MYH16: variants seen among roughly 807,000 people sequenced by gnomAD.
The protein encoded by MYH16 is putative uncharacterized protein MYH16.
At chr7:99,302,317 TACACAC>T (rs201230482) in intron 38 of MYH16, among the ~76,000 whole-genome samples, 1,344 of 95,536 alleles carry the variant, frequency 0.014, 59 homozygotes, top group African/African-American at 0.043. Flanking sequence ...AAAAAATATA[TACACAC>T]ACACACACAC....
chr7:99,283,857 G>A lies in MYH16; in HGVS notation n.3080-16G>A, dbSNP rs1176061960. ...CTCTCCTCGTCTACCTTCTCTTGCT[G>A]TTCTTGTCTCTGTAGCTGGAGGATA... On this transcript the variant is annotated splice_polypyrimidine_tract_variant and intron_variant and non_coding_transcript_variant, in intron 24 of 41. Transcript: ENST00000439784. 2.2e-6 allele frequency: 1 copy of A among 453,828 alleles called. No individual in the cohort carries two copies. The allele number at this position is 453,828 out of a possible 1,614,324, so 28.1% of individuals were successfully genotyped here. A position where few individuals can be genotyped will look rare whatever the true frequency, so the allele number is the denominator to read the frequency against.
At position 99,289,409 on chromosome 7, in the gene MYH16, G is replaced by C. The variant is rs1244535895; in HGVS notation, n.3824+5G>C. ...CCATCAGGACCCGCCTCCAAGGTGA[G>C]CCCTCTCCGCCCTGAGCTTGCTAAG... On this transcript the variant is annotated splice_donor_5th_base_variant and intron_variant and non_coding_transcript_variant, in intron 30 of 41. Transcript: ENST00000439784. 9.5e-6 allele frequency: 4 copies of C among 419,856 alleles called. No homozygotes were observed. The highest frequency in any genetic ancestry group is 9.6e-6 in the Non-Finnish European group (2 of 208,852). The allele number at this position is 419,856 out of a possible 1,614,324, so 26.0% of individuals were successfully genotyped here. A position where few individuals can be genotyped will look rare whatever the true frequency, so the allele number is the denominator to read the frequency against.
intron 20 of MYH16, among the ~76,000 whole-genome samples, chr7:99,276,346 G>C (rs969674420): frequency 6.6e-6 from 1 of 152,184 alleles, no homozygotes; most frequent in African/African-American, 2.4e-5. Context: ...CCTGGGAAAT[G>C]TATCTATTGA....
At chr7:99,271,821 T>A (rs1157034259) in intron 19 of MYH16, among the ~76,000 whole-genome samples, 2 of 152,256 alleles carry the variant, frequency 1.3e-5, no homozygotes, top group African/African-American at 4.8e-5. Flanking sequence ...CACCTCAGCC[T>A]CCTGAGTAGC....
At chr7:99,260,105 T>G (rs1791923566) in intron 11 of MYH16, 2 of 1,456,846 alleles carry the variant, frequency 1.4e-6, no homozygotes. Context: ...CATTCAATCC[T>G]GGGAGAGGCT....
intron 11 of MYH16, among the ~76,000 whole-genome samples, chr7:99,259,097 T>A (rs111926199): frequency 4.6e-5 from 7 of 152,222 alleles, no homozygotes; most frequent in Admixed American, 2.0e-4. Flanking sequence ...ATGAAGGAAA[T>A]CTGACCCTAT....
At chr7:99,279,073 C>T (rs901174373) in intron 21 of MYH16, among the ~76,000 whole-genome samples, 5 of 152,032 alleles carry the variant, frequency 3.3e-5, no homozygotes, top group African/African-American at 1.2e-4. Context: ...CATCTGTAGT[C>T]CCACCTACTC....
chr7:99,288,495 A>T (rs1792318401), intron 29 of MYH16, among the ~76,000 whole-genome samples: 1 of 151,698 alleles, frequency 6.6e-6, no homozygotes, highest in Non-Finnish European at 1.5e-5. Context: ...TACGCCTGTA[A>T]TCCCAGCACT....
intron 37 of MYH16, among the ~76,000 whole-genome samples, chr7:99,301,195 C>CAAAAAAAA (rs11315562): frequency 1.8e-5 from 1 of 54,484 alleles, no homozygotes; most frequent in African/African-American, 6.9e-5. Context: ...GACTCTGTCT[C>CAAAAAAAA]AAAAAAAAAA....
At chr7:99,272,800 T>C (rs1338327239) in intron 19 of MYH16, among the ~76,000 whole-genome samples, 39 bp from the exon 1 acceptor site, 2 of 151,912 alleles carry the variant, frequency 1.3e-5, no homozygotes, top group African/African-American at 2.4e-5. Flanking sequence ...CTCTATTTCT[T>C]TGTGGTCATA....
chr7:99,246,670 C>T (rs1791735054), intron 2 of MYH16, among the ~76,000 whole-genome samples: 1 of 151,716 alleles, frequency 6.6e-6, no homozygotes. Flanking sequence ...CCATTGCACT[C>T]CAGCCTGAGT....
At chr7:99,252,153 AAGAG>A (rs1791815996) in intron 6 of MYH16, among the ~76,000 whole-genome samples, 1 of 152,114 alleles carries the variant, frequency 6.6e-6, no homozygotes, top group Non-Finnish European at 1.5e-5. Context: ...GGAGGGACAT[AAGAG>A]AGGTGCTGTC....
chr7:99,239,948 C>A (rs62471881), intron 1 of MYH16, among the ~76,000 whole-genome samples: 40 of 151,898 alleles, frequency 2.6e-4, no homozygotes, highest in Non-Finnish European at 5.0e-4. Flanking sequence ...TTTGGGAGAC[C>A]AAGACAGGAG....
chr7:99,260,605 G>C (rs1051675977), intron 12 of MYH16: 8 of 250,238 alleles, frequency 3.2e-5, no homozygotes, highest in Non-Finnish European at 4.8e-5. Flanking sequence ...CCATTTCACA[G>C]ATGGGAACAT....
In MYH16 at chr7:99,277,916, TGAGA is replaced by T. The variant is rs36065407; in HGVS notation, n.2659+223_2659+226del. 8.4e-4 allele frequency among the ~76,000 whole-genome samples: 111 copies of T among 132,324 alleles called. 1 individual carries two copies. Among genetic ancestry groups the T allele is most frequent in the South Asian group, 1.7e-3 (7 of 4,016 alleles). The allele number at this position is 132,324 out of a possible 152,430, so 86.8% of individuals were successfully genotyped here. ...GTGTGTGTGTGTGTGTGTGTGTGTGTGAGAGAGAGAGAGAGAGAGAGACAGACAG... is the reference window on the plus strand; with the variant it reads ...GTGTGTGTGTGTGTGTGTGTGTGTGTGAGAGAGAGAGAGAGAGACAGACAG... On this transcript the variant is annotated intron_variant and non_coding_transcript_variant, in intron 21 of 41. Coordinates refer to ENST00000439784, the Ensembl canonical transcript of MYH16.
intron 9 of MYH16, among the ~76,000 whole-genome samples, chr7:99,256,785 T>G (rs191684980): frequency 6.6e-6 from 1 of 151,578 alleles, no homozygotes; most frequent in African/African-American, 2.4e-5. Context: ...ATAAATAAAT[T>G]AATTAATTAA....
chr7:99,265,369 G>C (rs1397394838), intron 16 of MYH16, among the ~76,000 whole-genome samples: 4 of 152,226 alleles, frequency 2.6e-5, no homozygotes, highest in Non-Finnish European at 4.4e-5. Context: ...AAAGCAGAAT[G>C]GTGCCCAGCC....
intron 2 of MYH16, among the ~76,000 whole-genome samples, chr7:99,246,610 G>A (rs547348970): frequency 3.3e-5 from 5 of 152,132 alleles, no homozygotes; most frequent in South Asian, 4.1e-4. Flanking sequence ...GCTGAGGCAG[G>A]AGAATTGCTT....
At chr7:99,280,811 T>C in intron 22 of MYH16, 65 bp from the exon 5 acceptor site, 1 of 223,982 alleles carries the variant, frequency 4.5e-6, no homozygotes, top group Non-Finnish European at 9.4e-6. Context: ...GACTCAAGGG[T>C]GCACCCAAGC....
Sources: allele counts gnomAD v4.1 joint callset (sites outside exome capture counted in the v4.1 genomes callset), GRCh38; gene constraint gnomAD v4.1.1; transcripts MANE v1.5; gene names NCBI Gene and HGNC (gene_info 2026-07-23, HGNC 2026-07-21).